The following TMOD3 variants were observed in gnomAD, a reference collection of about 807,000 sequenced individuals.
TMOD3 encodes tropomodulin 3.
TMOD3 carries 20 observed loss-of-function variants against 39.2 expected under a neutral mutation model. The ratio of observed to expected loss-of-function variants is 0.51; its 90% CI spans 0.36 to 0.74. The LOEUF is 0.74. TMOD3 is among the 30% of genes least tolerant of loss of function. The pLI is 0.00. For synonymous variants in TMOD3, 143 were observed against 145.8 expected (o/e 0.98, Z 0.14); for missense variants, 381 against 412.8 (o/e 0.92, Z 0.67).
rs1354449112 is a variant in TMOD3, at chr15:51,912,925, C to G, written c.*4115C>G. ...TTTGCTTACCAACAAATCAAAGAAACGCTTCACTAATTATTTTTAAATTGA... is the reference window on the plus strand; with the variant it reads ...TTTGCTTACCAACAAATCAAAGAAAGGCTTCACTAATTATTTTTAAATTGA... On this transcript the variant is annotated 3_prime_UTR_variant, in exon 10 of 10. Coordinates refer to ENST00000308580, the MANE Select transcript of TMOD3 (RefSeq NM_014547.5). 3.9e-5 allele frequency: 6 copies of G among 152,116 alleles called. No homozygotes were observed. The highest frequency in any genetic ancestry group is 3.9e-4 in the Admixed American group (6 of 15,260). 9.4% of individuals were successfully genotyped at this position (152,116 alleles called of 1,614,324 possible). A position where few individuals can be genotyped will look rare whatever the true frequency, so the allele number is the denominator to read the frequency against.
chr15:51,866,394 G>A (rs1386039276), intron 2 of TMOD3, among the ~76,000 whole-genome samples: 2 of 151,984 alleles, frequency 1.3e-5, no homozygotes, highest in Non-Finnish European at 2.9e-5. Context: ...GGAGTTCAAG[G>A]TTGCAGCAAG....
rs369394086 is a variant in TMOD3 at position 51,908,659 on chromosome 15, A to G, written c.1025-117A>G. ...GTGGTCATGTGAACTGGAAATGGACATTTCAATTTTGTAAAACTTATAACT... is the reference window on the plus strand; with the variant it reads ...GTGGTCATGTGAACTGGAAATGGACGTTTCAATTTTGTAAAACTTATAACT... On this transcript the variant is annotated intron_variant, in intron 9 of 9. Coordinates refer to ENST00000308580, the MANE Select transcript of TMOD3 (RefSeq NM_014547.5). 3.1e-5 allele frequency: 20 copies of G among 651,330 alleles called. No individual in the cohort carries two copies. In the East Asian group the frequency reaches 5.9e-4, roughly 19 times the overall value. The allele number at this position is 651,330 out of a possible 1,614,324, so 40.3% of individuals were successfully genotyped here.
chr15:51,887,220 CAAA>C (rs35718814), intron 3 of TMOD3, among the ~76,000 whole-genome samples: 1 of 104,758 alleles, frequency 9.5e-6, no homozygotes, highest in Admixed American at 1.0e-4. Context: ...GACTCCATCT[CAAA>C]AAAAAAAAAA....
At chr15:51,885,284 CTTTTTTTTT>C (rs67378569) in intron 3 of TMOD3, among the ~76,000 whole-genome samples, 5 of 126,974 alleles carry the variant, frequency 3.9e-5, no homozygotes, top group South Asian at 2.6e-4. Flanking sequence ...TTTCTTTTTT[CTTTTTTTTT>C]TTTTTTTTTA....
intron 1 of TMOD3, among the ~76,000 whole-genome samples, chr15:51,844,025 A>T (rs1241155395): frequency 1.3e-5 from 2 of 151,952 alleles, no homozygotes; most frequent in East Asian, 3.9e-4. Flanking sequence ...AAAGTCAGGG[A>T]TAATATTTGT....
At chr15:51,878,385 T>TGTGTGTGTGTGTGA (rs1194171689) in intron 3 of TMOD3, among the ~76,000 whole-genome samples, 5 of 151,600 alleles carry the variant, frequency 3.3e-5, no homozygotes, top group Non-Finnish European at 7.4e-5. Context: ...TATGTGTGTG[T>TGTGTGTGTGTGTGA]GTGTGTGTGT....
intron 1 of TMOD3, among the ~76,000 whole-genome samples, chr15:51,846,427 A>G (rs2056336478): frequency 6.6e-6 from 1 of 152,254 alleles, no homozygotes; most frequent in Non-Finnish European, 1.5e-5. Flanking sequence ...ACTGCGTAAC[A>G]TTCAACTTGC....
intron 2 of TMOD3, among the ~76,000 whole-genome samples, 172 bp from the exon 3 acceptor site, chr15:51,869,045 G>T (rs1039693699): frequency 9.9e-5 from 15 of 152,210 alleles, no homozygotes; most frequent in African/African-American, 3.6e-4. Context: ...TAATAAAAAA[G>T]AAGTTTAATG....
intron 8 of TMOD3, 114 bp from the exon 9 acceptor site, chr15:51,901,778 T>C (rs761661186): frequency 2.1e-4 from 217 of 1,045,830 alleles, no homozygotes; most frequent in Non-Finnish European, 1.7e-4. Context: ...GTTGTAGGAA[T>C]TGGGAACATT....
intron 1 of TMOD3, among the ~76,000 whole-genome samples, chr15:51,840,202 T>C (rs368009953): frequency 6.4e-4 from 98 of 152,338 alleles, no homozygotes; most frequent in African/African-American, 2.3e-3. Flanking sequence ...AGCACCTCTC[T>C]TCTATTGTTT....
At chr15:51,832,912 G>A (rs994237357) in intron 1 of TMOD3, among the ~76,000 whole-genome samples, 3 of 152,166 alleles carry the variant, frequency 2.0e-5, no homozygotes, top group Non-Finnish European at 4.4e-5. Context: ...TCTTTAATAT[G>A]CATGAGCTCT....
intron 3 of TMOD3, among the ~76,000 whole-genome samples, chr15:51,877,301 T>C (rs188447447): frequency 2.0e-5 from 3 of 152,200 alleles, no homozygotes; most frequent in Admixed American, 1.3e-4. Flanking sequence ...TGTATTGATA[T>C]ACCTATAAAT....
At chr15:51,859,302 G>GGGT in intron 1 of TMOD3, 1 of 731,120 alleles carries the variant, frequency 1.4e-6, no homozygotes, top group East Asian at 2.7e-5. Flanking sequence ...TCTACCAAGG[G>GGGT]GGTGGTTCAA....
At chr15:51,900,028 G>C (rs1319553190) in intron 7 of TMOD3, 127 bp from the exon 8 acceptor site, 9 of 930,746 alleles carry the variant, frequency 9.7e-6, no homozygotes, top group Non-Finnish European at 1.4e-5. Flanking sequence ...ATGGGCTACT[G>C]TGTCAAACTG....
chr15:51,868,720 C>G (rs1006886240), intron 2 of TMOD3, among the ~76,000 whole-genome samples: 3 of 152,144 alleles, frequency 2.0e-5, no homozygotes, highest in Non-Finnish European at 4.4e-5. Context: ...ACCTGTAATC[C>G]CAACACTTTG....
At position 51,913,334 on chromosome 15, in the gene TMOD3, CTT is replaced by C. The variant is rs2056720321; in HGVS notation, c.*4528_*4529del. The C allele has an allele frequency of 6.6e-6, 1 of 152,144 alleles. No homozygotes were observed. Among genetic ancestry groups the C allele is most frequent in the Non-Finnish European group, 1.5e-5 (1 of 68,016 alleles). 9.4% of individuals were successfully genotyped at this position (152,144 alleles called of 1,614,324 possible). On this transcript the variant is annotated 3_prime_UTR_variant, in exon 10 of 10. Transcript: ENST00000308580. ...CAGATTGAACATCCCTAATTGAAAA[CTT>C]TTTGAGTACTAACATAGTGTTCAAA... is the stretch of plus-strand genomic sequence containing the variant.
chr15:51,892,022 CT>C (rs2056596071), intron 5 of TMOD3, among the ~76,000 whole-genome samples: 1 of 152,268 alleles, frequency 6.6e-6, no homozygotes, highest in African/African-American at 2.4e-5. Context: ...TTCACCTGAC[CT>C]CGGGAAAGTA....
At chr15:51,835,078 A>G (rs867644293) in intron 1 of TMOD3, 1 of 152,218 alleles carries the variant, frequency 6.6e-6, no homozygotes, top group South Asian at 2.1e-4. Context: ...TGAATTTTAA[A>G]TGGCTTTTCT....
At chr15:51,888,955 A>G (rs1029451181) in intron 4 of TMOD3, 101 bp from the exon 5 acceptor site, 1 of 700,642 alleles carries the variant, frequency 1.4e-6, no homozygotes, top group African/African-American at 1.9e-5. Flanking sequence ...TGTAATTTAT[A>G]GGAAAAGGTC....
Sources: allele counts gnomAD v4.1 joint callset (sites outside exome capture counted in the v4.1 genomes callset), GRCh38; gene constraint gnomAD v4.1.1; transcripts MANE v1.5; gene names NCBI Gene and HGNC (gene_info 2026-07-23, HGNC 2026-07-21).